Variants in NOL4 observed in about 807,000 individuals in gnomAD.
NOL4 encodes the protein nucleolar protein 4.
NOL4 carries 17 observed loss-of-function variants against 75.9 expected under a neutral mutation model. That is an observed-to-expected ratio of 0.22 (90% CI 0.15 to 0.34). The LOEUF (loss-of-function observed/expected upper bound fraction) is 0.34. Among genes scored for constraint, NOL4 ranks in the 10% least tolerant of loss-of-function variants. The pLI, the probability that NOL4 is intolerant of heterozygous loss-of-function variation, is 1.00. For missense variants in NOL4, 614 were observed against 793.5 expected, an observed-to-expected ratio of 0.77 and a Z score of 2.72; for synonymous variants, 292 against 289.9, an observed-to-expected ratio of 1.01 and a Z score of -0.07.
chr18:34,073,171 A>C (rs1055578494), intron 5 of NOL4, among the ~76,000 whole-genome samples: 3 of 152,132 alleles, frequency 2.0e-5, no homozygotes, highest in African/African-American at 7.2e-5. Flanking sequence ...AACCCCTTGA[A>C]ATAACCAATC....
chr18:34,209,908 G>A (rs1380415647), intron 1 of NOL4, among the ~76,000 whole-genome samples: 1 of 152,104 alleles, frequency 6.6e-6, no homozygotes, highest in Admixed American at 6.5e-5. Context: ...AACCCTTCAG[G>A]AAACACTAAG....
chr18:33,925,933 T>A lies in NOL4; in HGVS notation c.1542+17132A>T, dbSNP rs76851163. Among the ~76,000 whole-genome samples the A allele has an allele frequency of 5.5e-3, 839 of 152,310 alleles. 13 individuals carry two copies. Among genetic ancestry groups the A allele is most frequent in the African/African-American group, 0.019 (806 of 41,574 alleles). On this transcript the variant is annotated intron_variant, in intron 9 of 10. Transcript: ENST00000261592. ...AAGTTCCCTGTAGCTATAACTTTTT[T>A]AATGAGTCTAATATGTCGTGTAATA...
chr18:33,897,028 T>C (rs1432871980), intron 9 of NOL4, among the ~76,000 whole-genome samples: 1 of 152,258 alleles, frequency 6.6e-6, no homozygotes, highest in African/African-American at 2.4e-5. Context: ...TCAGTATCAC[T>C]GATCATTAGA....
At position 34,089,269 on chromosome 18, in the gene NOL4, TA is replaced by T. The variant is rs201296313; in HGVS notation, c.772+4195del. ...AAATAAAATCTTAATCACTTAATGT[TA>T]AAAAAAAATTTTAATTTAACTTAAA... On this transcript the variant is annotated intron_variant, in intron 5 of 10. Transcript: ENST00000261592. 5.0e-3 allele frequency among the ~76,000 whole-genome samples: 754 copies of T among 151,820 alleles called. 6 individuals carry two copies. The highest frequency in any genetic ancestry group is 0.016 in the African/African-American group (652 of 41,432).
chr18:33,920,640 TTTA>T (rs2066982098), intron 9 of NOL4, among the ~76,000 whole-genome samples: 1 of 152,150 alleles, frequency 6.6e-6, no homozygotes, highest in Non-Finnish European at 1.5e-5. Context: ...AGGTATGTGA[TTTA>T]TGGGTCCAAT....
intron 1 of NOL4, among the ~76,000 whole-genome samples, chr18:34,158,061 T>C (rs938409537): frequency 3.3e-5 from 5 of 152,086 alleles, no homozygotes; most frequent in Admixed American, 2.6e-4. Flanking sequence ...TCTAAAGAGG[T>C]AGTATCAAAG....
chr18:33,927,103 C>T (rs964675019), intron 9 of NOL4, among the ~76,000 whole-genome samples: 3 of 152,106 alleles, frequency 2.0e-5, no homozygotes, highest in East Asian at 1.9e-4. Context: ...TGATGAAAAA[C>T]GTGATTGATC....
chr18:34,142,723 C>A (rs12456716), intron 1 of NOL4, among the ~76,000 whole-genome samples: 2 of 151,950 alleles, frequency 1.3e-5, no homozygotes, highest in Admixed American at 1.3e-4. Context: ...GGAGATAAAT[C>A]TAATGTAAAT....
At chr18:33,922,476 A>G (rs1200199243) in intron 9 of NOL4, among the ~76,000 whole-genome samples, 1 of 152,216 alleles carries the variant, frequency 6.6e-6, no homozygotes, top group African/African-American at 2.4e-5. Context: ...AATGTTAACC[A>G]GATTTCCCAT....
At chr18:33,877,311 T>TA (rs201397485) in intron 10 of NOL4, among the ~76,000 whole-genome samples, 1,788 of 151,188 alleles carry the variant, frequency 0.012, 30 homozygotes, top group African/African-American at 0.041. Flanking sequence ...AAAAAATAAT[T>TA]AAAAAAATCA....
chr18:33,918,460 T>C (rs777021001), intron 9 of NOL4, among the ~76,000 whole-genome samples: 1 of 152,024 alleles, frequency 6.6e-6, no homozygotes, highest in Non-Finnish European at 1.5e-5. Flanking sequence ...ATAGCAAGTA[T>C]CCTCTCAAGG....
At chr18:34,187,247 C>T (rs1373046194) in intron 1 of NOL4, among the ~76,000 whole-genome samples, 1 of 151,904 alleles carries the variant, frequency 6.6e-6, no homozygotes, top group Non-Finnish European at 1.5e-5. Flanking sequence ...CTATATTTTG[C>T]TTTTTCCAGA....
Position 33,975,666 on chromosome 18 carries a change from T to G in NOL4, c.1057-17248A>C, listed in dbSNP as rs556950849. ...GGCGGGTACCTGTAATCCCAGCTAC[T>G]CAGGAGGCTGAGGCAGGAGAATTGC... On this transcript the variant is annotated intron_variant, in intron 6 of 10. Coordinates refer to ENST00000261592, the MANE Select transcript of NOL4 (RefSeq NM_003787.5). 2.2e-3 allele frequency among the ~76,000 whole-genome samples: 333 copies of G among 152,248 alleles called. 1 individual carries two copies. Among genetic ancestry groups the G allele is most frequent in the Middle Eastern group, 0.014 (4 of 294 alleles).
At chr18:34,026,439 G>A (rs1479784253) in intron 5 of NOL4, among the ~76,000 whole-genome samples, 1 of 152,066 alleles carries the variant, frequency 6.6e-6, no homozygotes, top group Non-Finnish European at 1.5e-5. Context: ...CTATTCCCTG[G>A]CCCTTCCACT....
intron 6 of NOL4, among the ~76,000 whole-genome samples, chr18:34,015,821 A>G (rs1406471960): frequency 6.6e-6 from 1 of 152,092 alleles, no homozygotes; most frequent in Non-Finnish European, 1.5e-5. Context: ...CTCATTCTGA[A>G]TCTTAGTAAA....
chr18:34,174,521 AT>A (rs893559344), intron 1 of NOL4, among the ~76,000 whole-genome samples: 9 of 151,574 alleles, frequency 5.9e-5, no homozygotes, highest in East Asian at 3.9e-4. Context: ...AATGGTCCAC[AT>A]TTTTTTTCCT....
At chr18:33,872,513 C>A (rs1005639871) in intron 10 of NOL4, among the ~76,000 whole-genome samples, 9 of 151,872 alleles carry the variant, frequency 5.9e-5, no homozygotes, top group African/African-American at 2.2e-4. Context: ...TACAAAGAAC[C>A]TGATGGAATA....
At chr18:33,989,163 A>C (rs2072716317) in intron 6 of NOL4, among the ~76,000 whole-genome samples, 1 of 121,608 alleles carries the variant, frequency 8.2e-6, no homozygotes, top group African/African-American at 3.1e-5. Context: ...ACTCCAGCCT[A>C]GGTGACAGAG....
intron 6 of NOL4, among the ~76,000 whole-genome samples, chr18:34,002,650 G>A (rs1249824999): frequency 2.0e-5 from 3 of 152,022 alleles, no homozygotes; most frequent in African/African-American, 4.8e-5. Flanking sequence ...TGGCTCACAG[G>A]AGAGGCTTAA....
Sources: allele counts gnomAD v4.1 joint callset (sites outside exome capture counted in the v4.1 genomes callset), GRCh38; gene constraint gnomAD v4.1.1; transcripts MANE v1.5; gene names NCBI Gene and HGNC (gene_info 2026-07-23, HGNC 2026-07-21).